Variants in DDX10 observed in about 807,000 individuals in gnomAD.
The protein encoded by DDX10 is probable ATP-dependent RNA helicase DDX10.
A neutral mutation model predicts 104.3 loss-of-function variants in DDX10; 74 were observed. The observed-to-expected ratio is 0.71, with a 90% CI of 0.59 to 0.86. The LOEUF (loss-of-function observed/expected upper bound fraction) is 0.86. Among genes scored for constraint, DDX10 ranks in the 40% least tolerant of loss-of-function variants. The probability of loss-of-function intolerance (pLI) is 0.00; values close to 1 mark genes in which losing one functional copy is unlikely to be tolerated. For synonymous variants in DDX10, 351 were observed against 353.4 expected (o/e 0.99, Z 0.08); for missense variants, 952 against 1,040.0 (o/e 0.92, Z 1.16).
intron 16 of DDX10, among the ~76,000 whole-genome samples, chr11:108,880,465 A>C (rs1863212948): frequency 6.6e-6 from 1 of 152,188 alleles, no homozygotes; most frequent in Non-Finnish European, 1.5e-5. Context: ...ATATGTAAAA[A>C]TTAATTAGAC....
intron 17 of DDX10, chr11:108,920,460 C>T (rs199998794): frequency 2.6e-5 from 4 of 152,110 alleles, no homozygotes; most frequent in East Asian, 3.8e-4. Flanking sequence ...ATTCCTGTAG[C>T]GTATATAAGG....
intron 13 of DDX10, among the ~76,000 whole-genome samples, chr11:108,774,549 A>G (rs1270985266): frequency 6.6e-6 from 1 of 151,910 alleles, no homozygotes; most frequent in African/African-American, 2.4e-5. Context: ...TACCTGAGGT[A>G]TTGTTTTTTT....
intron 16 of DDX10, among the ~76,000 whole-genome samples, chr11:108,915,379 T>A (rs915258056): frequency 6.6e-6 from 1 of 152,126 alleles, no homozygotes; most frequent in African/African-American, 2.4e-5. Context: ...TTCTCAATAT[T>A]TGACTTTGGA....
intron 4 of DDX10, among the ~76,000 whole-genome samples, chr11:108,677,910 C>T (rs1239038192): frequency 6.6e-6 from 1 of 151,960 alleles, no homozygotes; most frequent in Non-Finnish European, 1.5e-5. Context: ...AGAACCTCGG[C>T]TTTTTTCAGT....
At chr11:108,908,110 T>A (rs1265570959) in intron 16 of DDX10, among the ~76,000 whole-genome samples, 1 of 152,204 alleles carries the variant, frequency 6.6e-6, no homozygotes, top group African/African-American at 2.4e-5. Context: ...CAGAAAAAAT[T>A]TTAATTTCTT....
At chr11:108,753,989 T>C (rs899636699) in intron 13 of DDX10, among the ~76,000 whole-genome samples, 1 of 151,996 alleles carries the variant, frequency 6.6e-6, no homozygotes, top group African/African-American at 2.4e-5. Flanking sequence ...TTTAAAAAAG[T>C]GAATCCAAGA....
intron 16 of DDX10, among the ~76,000 whole-genome samples, chr11:108,864,360 A>T (rs576821470): frequency 6.6e-6 from 1 of 152,184 alleles, no homozygotes; most frequent in Admixed American, 6.5e-5. Flanking sequence ...ATGTATAATT[A>T]TGATACTACT....
intron 13 of DDX10, among the ~76,000 whole-genome samples, chr11:108,796,309 A>G (rs540297708): frequency 1.3e-5 from 2 of 152,308 alleles, no homozygotes; most frequent in South Asian, 4.1e-4. Context: ...TTGTTCCGTG[A>G]TGACAAAACT....
chr11:108,752,597 G>C (rs1266164582), intron 13 of DDX10, among the ~76,000 whole-genome samples: 3 of 152,100 alleles, frequency 2.0e-5, no homozygotes, highest in Admixed American at 6.6e-5. Flanking sequence ...TGAATGTCAT[G>C]AATCAGTTGG....
Position 108,679,338 on chromosome 11 carries a change from T to G in DDX10, c.659-33T>G, listed in dbSNP as rs745584453. On this transcript the variant is annotated intron_variant, in intron 5 of 17. Coordinates refer to ENST00000322536, the MANE Select transcript of DDX10 (RefSeq NM_004398.4). ...CATTTAGCCTAATGTATATTTTACA[T>G]ATGATAGTTCAACTTGCATTTTCCT... 4.5e-6 allele frequency: 7 copies of G among 1,545,374 alleles called. No homozygotes were observed. The African/African-American group carries it at 8.3e-5, about 18-fold the overall frequency.
chr11:108,830,087 A>G (rs1202057506), intron 13 of DDX10, among the ~76,000 whole-genome samples: 1 of 152,100 alleles, frequency 6.6e-6, no homozygotes, highest in African/African-American at 2.4e-5. Flanking sequence ...TGTTTTTTCT[A>G]GTTCCATGAA....
intron 6 of DDX10, among the ~76,000 whole-genome samples, chr11:108,687,218 T>C (rs962510509): frequency 6.6e-6 from 1 of 152,276 alleles, no homozygotes; most frequent in Non-Finnish European, 1.5e-5. Flanking sequence ...GTCACTGTTC[T>C]GGATTTTGGC....
chr11:108,787,521 CAGT>C (rs1861811952), intron 13 of DDX10, among the ~76,000 whole-genome samples: 1 of 152,102 alleles, frequency 6.6e-6, no homozygotes, highest in African/African-American at 2.4e-5. Context: ...CCATATTACT[CAGT>C]GGTGTTTTTT....
At chr11:108,804,191 C>G (rs975004171) in intron 13 of DDX10, among the ~76,000 whole-genome samples, 1 of 152,044 alleles carries the variant, frequency 6.6e-6, no homozygotes, top group Non-Finnish European at 1.5e-5. Context: ...TTACTGGTAA[C>G]CTGTTGTATA....
intron 13 of DDX10, among the ~76,000 whole-genome samples, chr11:108,829,513 G>T (rs919415249): frequency 2.6e-5 from 4 of 152,162 alleles, no homozygotes; most frequent in African/African-American, 9.7e-5. Context: ...TGTATAGATT[G>T]TGAAGATTTT....
intron 13 of DDX10, among the ~76,000 whole-genome samples, chr11:108,780,079 A>T (rs2094376136): frequency 6.6e-6 from 1 of 152,208 alleles, no homozygotes; most frequent in South Asian, 2.1e-4. Context: ...AGTTTTTAGA[A>T]AGCATTGGCA....
chr11:108,696,816 A>ATT (rs2094260524), intron 9 of DDX10, among the ~76,000 whole-genome samples: 1 of 152,062 alleles, frequency 6.6e-6, no homozygotes, highest in Non-Finnish European at 1.5e-5. Flanking sequence ...ATTGATGGGG[A>ATT]CAGGGCAGAC....
chr11:108,768,077 T>G (rs1018171565), intron 13 of DDX10: 18 of 152,234 alleles, frequency 1.2e-4, no homozygotes, highest in African/African-American at 4.1e-4. Flanking sequence ...TGTAAGACTG[T>G]GATATATAAT....
intron 16 of DDX10, among the ~76,000 whole-genome samples, chr11:108,885,928 G>A (rs1863291132): frequency 6.6e-6 from 1 of 152,116 alleles, no homozygotes; most frequent in Admixed American, 6.5e-5. Context: ...TACACATAGA[G>A]GTGTAGAGAA....
Sources: allele counts gnomAD v4.1 joint callset (sites outside exome capture counted in the v4.1 genomes callset), GRCh38; gene constraint gnomAD v4.1.1; transcripts MANE v1.5; gene names NCBI Gene and HGNC (gene_info 2026-07-23, HGNC 2026-07-21).